The following FRMD4A variants were observed in gnomAD, a reference collection of about 807,000 sequenced individuals.
FRMD4A encodes FERM domain containing 4A.
In FRMD4A, 29 loss-of-function variants were observed where a neutral mutation model predicts 129.1. The ratio of observed to expected loss-of-function variants is 0.22; its 90% CI spans 0.17 to 0.31. FRMD4A has a LOEUF of 0.31. FRMD4A is among the 10% of genes least tolerant of loss of function. The pLI is 1.00. For missense variants in FRMD4A, 1,272 were observed against 1,375.8 expected, an observed-to-expected ratio of 0.92 and a Z score of 1.19; for synonymous variants, 634 against 571.6, an observed-to-expected ratio of 1.11 and a Z score of -1.56.
intron 2 of FRMD4A, among the ~76,000 whole-genome samples, chr10:14,173,730 T>G (rs1460029916): frequency 6.6e-6 from 1 of 152,120 alleles, no homozygotes; most frequent in Non-Finnish European, 1.5e-5. Context: ...CAAGAGTGAC[T>G]GGAAATCCTG....
intron 2 of FRMD4A, among the ~76,000 whole-genome samples, chr10:13,860,815 G>GT (rs1279848398): frequency 6.6e-6 from 1 of 152,044 alleles, no homozygotes; most frequent in East Asian, 1.9e-4. Context: ...GTCTTGCTCT[G>GT]TTGTCCAGGC....
At chr10:13,731,277 G>A (rs149113235) in intron 12 of FRMD4A, among the ~76,000 whole-genome samples, 86 of 152,300 alleles carry the variant, frequency 5.6e-4, no homozygotes, top group Admixed American at 5.2e-4. Context: ...CAAAGAGGGA[G>A]GGGGAAACAT....
intron 2 of FRMD4A, among the ~76,000 whole-genome samples, chr10:14,023,724 T>C (rs990467761): frequency 1.3e-5 from 2 of 152,182 alleles, no homozygotes; most frequent in African/African-American, 4.8e-5. Flanking sequence ...TGCCCTGCAG[T>C]TTTCAAAGCC....
At chr10:14,174,879 C>CTGTGTGTGTGTGTG (rs56966643) in intron 2 of FRMD4A, among the ~76,000 whole-genome samples, 1 of 87,558 alleles carries the variant, frequency 1.1e-5, no homozygotes, top group Non-Finnish European at 3.0e-5. Context: ...GTGTGTGTGT[C>CTGTGTGTGTGTGTG]TGTGTGTGTG....
chr10:14,315,341 C>CA (rs1286026264), intron 2 of FRMD4A, among the ~76,000 whole-genome samples: 10 of 151,706 alleles, frequency 6.6e-5, no homozygotes, highest in Non-Finnish European at 4.4e-5. Flanking sequence ...TGAATGTGTC[C>CA]AAAAAAAAGA....
intron 12 of FRMD4A, among the ~76,000 whole-genome samples, chr10:13,735,579 C>A (rs562896693): frequency 7.6e-4 from 116 of 152,286 alleles, no homozygotes; most frequent in African/African-American, 2.7e-3. Context: ...TTCATTAGAA[C>A]CTCAATTAGA....
At chr10:13,974,776 C>G (rs889510193) in intron 2 of FRMD4A, among the ~76,000 whole-genome samples, 2 of 152,106 alleles carry the variant, frequency 1.3e-5, no homozygotes, top group Non-Finnish European at 2.9e-5. Flanking sequence ...ATCCACCCGC[C>G]TCGCTCTCCC....
intron 2 of FRMD4A, among the ~76,000 whole-genome samples, chr10:14,198,607 A>C (rs978082487): frequency 9.9e-5 from 15 of 151,998 alleles, no homozygotes; most frequent in African/African-American, 3.6e-4. Context: ...CTCTTTTCTG[A>C]CTTTGCCCTC....
chr10:14,025,084 G>A (rs755745231), intron 2 of FRMD4A, among the ~76,000 whole-genome samples: 6 of 152,178 alleles, frequency 3.9e-5, no homozygotes, highest in African/African-American at 1.2e-4. Flanking sequence ...ACAAGGAAAC[G>A]AAAGTTGTGA....
chr10:14,075,280 G>C (rs111611894), intron 2 of FRMD4A, among the ~76,000 whole-genome samples: 73 of 152,316 alleles, frequency 4.8e-4, no homozygotes, highest in African/African-American at 1.7e-3. Flanking sequence ...ATTGAGAAGA[G>C]GAAAGGGGAG....
intron 13 of FRMD4A, among the ~76,000 whole-genome samples, chr10:13,706,413 C>T (rs2087447855): frequency 6.6e-6 from 1 of 152,168 alleles, no homozygotes; most frequent in African/African-American, 2.4e-5. Context: ...TGTCTTGCAT[C>T]TGACTTAAGA....
At chr10:13,796,124 G>T (rs865785219) in intron 5 of FRMD4A, among the ~76,000 whole-genome samples, 1 of 152,164 alleles carries the variant, frequency 6.6e-6, no homozygotes, top group African/African-American at 2.4e-5. Context: ...TAAAAGGAAA[G>T]AATACAAAGG....
chr10:13,995,709 C>T (rs951603501), intron 2 of FRMD4A, among the ~76,000 whole-genome samples: 5 of 152,190 alleles, frequency 3.3e-5, no homozygotes, highest in African/African-American at 7.2e-5. Flanking sequence ...AGGTTCTGCT[C>T]GTTGACAATT....
chr10:13,823,364 C>T (rs1180655683), intron 3 of FRMD4A, among the ~76,000 whole-genome samples: 1 of 152,210 alleles, frequency 6.6e-6, no homozygotes, highest in Non-Finnish European at 1.5e-5. Context: ...TCTAGCGTGG[C>T]TCCCCTTGGC....
intron 2 of FRMD4A, among the ~76,000 whole-genome samples, chr10:14,171,838 A>G (rs1348885195): frequency 6.6e-6 from 1 of 152,200 alleles, no homozygotes; most frequent in Non-Finnish European, 1.5e-5. Flanking sequence ...CATACCAGGA[A>G]ATCAGAAACT....
At chr10:13,884,180 A>ACACACGCTCACACACACGCT (rs2094585971) in intron 2 of FRMD4A, among the ~76,000 whole-genome samples, 1 of 78,900 alleles carries the variant, frequency 1.3e-5, no homozygotes, top group Non-Finnish European at 2.7e-5. Context: ...ACACACTCAC[A>ACACACGCTCACACACACGCT]CACACACACA....
intron 9 of FRMD4A, 106 bp downstream of exon 9, chr10:13,747,630 C>T: frequency 1.5e-6 from 1 of 647,198 alleles, no homozygotes; most frequent in Non-Finnish European, 2.8e-6. Context: ...GCTGCAAGTC[C>T]AGGCTGGCAC....
rs1200358451 is a variant in FRMD4A, at chr10:14,127,999, T to TTC, written c.45+202058_45+202059insGA. Among the ~76,000 whole-genome samples, 145 of 101,096 alleles carry TTC rather than the reference T, an allele frequency of 1.4e-3. 5 individuals are homozygous for TTC. Among genetic ancestry groups the TTC allele is most frequent in the Middle Eastern group, 4.6e-3 (1 of 218 alleles). The allele number at this position is 101,096 out of a possible 152,430, so 66.3% of individuals were successfully genotyped here. On this transcript the variant is annotated intron_variant, in intron 2 of 24. Transcript: ENST00000357447. ...CTTTCCTTCTCTCTCTCTCTCTCTC[T>TTC]CTTTCTTTCTTTCTTCCTTCCTTCC...
intron 2 of FRMD4A, among the ~76,000 whole-genome samples, chr10:13,894,492 C>T (rs992208469): frequency 3.9e-5 from 6 of 152,198 alleles, no homozygotes; most frequent in Middle Eastern, 3.2e-3. Context: ...CAGGTGGTCA[C>T]GCATCCGCGG....
Sources: allele counts gnomAD v4.1 joint callset (sites outside exome capture counted in the v4.1 genomes callset), GRCh38; gene constraint gnomAD v4.1.1; transcripts MANE v1.5; gene names NCBI Gene and HGNC (gene_info 2026-07-23, HGNC 2026-07-21).